The following KPNA6 variants were observed in gnomAD, a reference collection of about 807,000 sequenced individuals.
The protein encoded by KPNA6 is karyopherin subunit alpha 6, also known as importin subunit alpha-7.
Under a neutral mutation model 72.0 loss-of-function variants are expected in KPNA6, and 9 were observed. The ratio of observed to expected loss-of-function variants is 0.13; its 90% CI spans 0.08 to 0.22. The LOEUF is 0.22. Among genes scored for constraint, KPNA6 ranks in the 10% least tolerant of loss-of-function variants. The probability of loss-of-function intolerance (pLI) is 1.00; values close to 1 mark genes in which losing one functional copy is unlikely to be tolerated. For synonymous variants in KPNA6, 219 were observed against 242.1 expected, an observed-to-expected ratio of 0.90 and a Z score of 0.89; for missense variants, 374 against 655.7, an observed-to-expected ratio of 0.57 and a Z score of 4.69.
intron 1 of KPNA6, among the ~76,000 whole-genome samples, chr1:32,145,434 C>T (rs1456919173): frequency 1.3e-5 from 2 of 151,572 alleles, no homozygotes; most frequent in Non-Finnish European, 2.9e-5. Flanking sequence ...AAGTGATTCT[C>T]CCACCTCAGC....
At chr1:32,155,143 CTTACTTACTG>C (rs1642114780) in intron 2 of KPNA6, among the ~76,000 whole-genome samples, 2 of 145,002 alleles carry the variant, frequency 1.4e-5, no homozygotes, top group African/African-American at 5.1e-5. Flanking sequence ...AGAAAAGTAG[CTTACTTACTG>C]AGTGAGCTAC....
At chr1:32,153,721 T>C (rs1019416805) in intron 1 of KPNA6, among the ~76,000 whole-genome samples, 2 of 152,210 alleles carry the variant, frequency 1.3e-5, no homozygotes, top group African/African-American at 4.8e-5. Context: ...TGAAATACTT[T>C]ATGACACCCA....
rs1642523501 is a variant in KPNA6 at position 32,176,091 on chromosome 1, T to A, written c.*5197T>A. ...AGCCTGGGCGACAGGGTGAGGCTCT[T>A]GTCTCAAAAAAAAAAGTCCACATCT... On this transcript the variant is annotated 3_prime_UTR_variant, in exon 14 of 14. Transcript: ENST00000373625. 6.6e-6 allele frequency: 1 copy of A among 151,744 alleles called. No individual in the cohort carries two copies. Among genetic ancestry groups the A allele is most frequent in the Non-Finnish European group, 1.5e-5 (1 of 67,910 alleles). The allele number at this position is 151,744 out of a possible 1,614,324, so 9.4% of individuals were successfully genotyped here.
At chr1:32,129,125 T>TCTCC (rs1325837070) in intron 1 of KPNA6, among the ~76,000 whole-genome samples, 8 of 150,940 alleles carry the variant, frequency 5.3e-5, no homozygotes, top group South Asian at 4.2e-4. Context: ...CCTCTCTCTC[T>TCTCC]CTCCCTCCCT....
intron 1 of KPNA6, among the ~76,000 whole-genome samples, chr1:32,120,127 A>G (rs1014993423): frequency 6.6e-6 from 1 of 152,200 alleles, no homozygotes; most frequent in African/African-American, 2.4e-5. Flanking sequence ...GAGGCCAAAT[A>G]TAGCCTGAGA....
chr1:32,136,181 C>CTTTTTTTCTTTTTT (rs1641732315), intron 1 of KPNA6, among the ~76,000 whole-genome samples: 1 of 139,304 alleles, frequency 7.2e-6, no homozygotes. Context: ...TAGCTTCTCT[C>CTTTTTTTCTTTTTT]TTTTTTTTTT....
chr1:32,114,735 T>A (rs558039503), intron 1 of KPNA6, among the ~76,000 whole-genome samples: 7 of 152,322 alleles, frequency 4.6e-5, no homozygotes, highest in African/African-American at 1.7e-4. Context: ...TGGAAAGCTG[T>A]TTCTTCTACA....
chr1:32,149,317 A>G (rs751564310), intron 1 of KPNA6, among the ~76,000 whole-genome samples: 2 of 152,048 alleles, frequency 1.3e-5, no homozygotes, highest in Non-Finnish European at 2.9e-5. Context: ...CTTTGAGCAT[A>G]TTTAGGACAG....
chr1:32,157,337 A>G lies in KPNA6; in HGVS notation c.232-9A>G, dbSNP rs1302893836. ...GTTTGCAAAGTCCTAAACTTGTTTT[A>G]TGTTCTAGGAGAGTGTGATCACAAG... On this transcript the variant is annotated splice_polypyrimidine_tract_variant and intron_variant, in intron 3 of 13. Coordinates refer to ENST00000373625, the MANE Select transcript of KPNA6 (RefSeq NM_012316.5). The G allele has an allele frequency of 6.2e-7, 1 of 1,605,866 alleles. No individual in the cohort carries two copies. The highest frequency in any genetic ancestry group is 2.2e-5 in the East Asian group (1 of 44,844).
chr1:32,154,832 G>C (rs1021856633), intron 2 of KPNA6, 111 bp downstream of exon 2: 4 of 1,144,498 alleles, frequency 3.5e-6, no homozygotes, highest in Admixed American at 4.3e-5. Flanking sequence ...TACTAGGTGG[G>C]CATGGTGGCT....
In KPNA6 at chr1:32,156,107, T is replaced by C. The variant is rs142631562; in HGVS notation, c.139-746T>C. 6.3e-3 allele frequency among the ~76,000 whole-genome samples: 952 copies of C among 151,622 alleles called. 5 individuals carry two copies. Among genetic ancestry groups the C allele is most frequent in the African/African-American group, 0.021 (865 of 41,358 alleles). On this transcript the variant is annotated intron_variant, in intron 2 of 13. Transcript: ENST00000373625. ...TTTGCTATACTATCATTCCTTTTTT[T>C]CTTTTTTTTTTTTAAGACAGGATCT...
chr1:32,148,228 C>G (rs541521568), intron 1 of KPNA6, among the ~76,000 whole-genome samples: 1 of 152,032 alleles, frequency 6.6e-6, no homozygotes, highest in Admixed American at 6.6e-5. Flanking sequence ...TCTTAGCCCC[C>G]CCACTTGCTG....
intron 1 of KPNA6, among the ~76,000 whole-genome samples, chr1:32,153,991 A>G (rs1053052135): frequency 2.0e-5 from 3 of 152,120 alleles, no homozygotes; most frequent in Non-Finnish European, 4.4e-5. Flanking sequence ...TACTAAAAAT[A>G]TAAAAATTAA....
At position 32,108,130 on chromosome 1, in the gene KPNA6, G is replaced by A. The variant is rs1484901748; in HGVS notation, c.-1G>A. The A allele has an allele frequency of 1.2e-6, 2 of 1,613,970 alleles. No homozygotes were observed. Among genetic ancestry groups the A allele is most frequent in the East Asian group, 2.2e-5 (1 of 44,894 alleles). On this transcript the variant is annotated 5_prime_UTR_variant, in exon 1 of 14. Transcript: ENST00000373625. ...GCCAAGAGTGAGCGAGCGGACCCGC[G>A]ATGGGTGAGTGAGGAAACCACGCAG... is the stretch of plus-strand genomic sequence containing the variant.
At chr1:32,134,711 T>C (rs1373965560) in intron 1 of KPNA6, among the ~76,000 whole-genome samples, 1 of 151,590 alleles carries the variant, frequency 6.6e-6, no homozygotes, top group Non-Finnish European at 1.5e-5. Flanking sequence ...TCAAAATCAT[T>C]ATGCTAAGTG....
intron 1 of KPNA6, among the ~76,000 whole-genome samples, chr1:32,131,338 G>A (rs1641632500): frequency 6.6e-6 from 1 of 151,742 alleles, no homozygotes; most frequent in South Asian, 2.1e-4. Flanking sequence ...CTTTGGAGTA[G>A]GCAATGATTT....
intron 1 of KPNA6, among the ~76,000 whole-genome samples, chr1:32,111,976 G>A (rs1641250274): frequency 6.6e-6 from 1 of 152,046 alleles, no homozygotes; most frequent in Admixed American, 6.6e-5. Context: ...CTGGGAATCT[G>A]GCCACCCTTC....
At chr1:32,114,865 G>C (rs1641300804) in intron 1 of KPNA6, among the ~76,000 whole-genome samples, 1 of 152,294 alleles carries the variant, frequency 6.6e-6, no homozygotes, top group Admixed American at 6.5e-5. Context: ...TTTTGAGACA[G>C]TGTCTCACTC....
chr1:32,134,886 TTTTA>T (rs886601812), intron 1 of KPNA6, among the ~76,000 whole-genome samples: 2 of 151,364 alleles, frequency 1.3e-5, no homozygotes, highest in African/African-American at 2.4e-5. Context: ...TTTTTTTTAA[TTTTA>T]TTTATTTTTT....
Sources: gnomAD v4.1 joint callset for allele counts (sites outside exome capture counted in the v4.1 genomes callset) on GRCh38, gnomAD v4.1.1 for gene constraint, MANE v1.5 for transcripts, NCBI Gene and HGNC (gene_info 2026-07-23, HGNC 2026-07-21) for gene names.